FSTL4: variants seen among roughly 807,000 people sequenced by gnomAD.
The protein encoded by FSTL4 is follistatin like 4, also known as follistatin-related protein 4.
FSTL4 carries 28 observed loss-of-function variants against 78.2 expected under a neutral mutation model. The observed-to-expected ratio is 0.36, with a 90% CI of 0.27 to 0.49. The LOEUF is 0.49. Ranked by LOEUF, FSTL4 falls within the 20% of genes least tolerant of loss-of-function variation. FSTL4 has a pLI of 0.98. For synonymous variants in FSTL4, 422 were observed against 440.5 expected, an observed-to-expected ratio of 0.96 and a Z score of 0.53; for missense variants, 922 against 1,084.9, an observed-to-expected ratio of 0.85 and a Z score of 2.11.
At chr5:133,299,407 C>G (rs4958115) in intron 6 of FSTL4, among the ~76,000 whole-genome samples, 17,496 of 152,238 alleles carry the variant, frequency 0.11, 1,213 homozygotes, top group East Asian at 0.27. Flanking sequence ...GAGTTTCCCC[C>G]ACCCTGTGCT....
At chr5:133,651,502 T>A in the FSTL4 span, among the ~76,000 whole-genome samples, 1 of 152,140 alleles carries the variant, frequency 6.6e-6, no homozygotes, top group African/African-American at 2.4e-5. Context: ...TATGATCATG[T>A]GATTTTTCTC....
At chr5:133,631,591 A>G in the FSTL4 span, among the ~76,000 whole-genome samples, 4 of 152,160 alleles carry the variant, frequency 2.6e-5, no homozygotes, top group Non-Finnish European at 5.9e-5. Flanking sequence ...ACAGTGTGGC[A>G]ATTCCTCAAG....
In FSTL4 at chr5:133,603,895, C is replaced by G; in HGVS notation, c.89G>C (p.Arg30Thr). 6.2e-7 allele frequency: 1 copy of G among 1,614,210 alleles called. No homozygotes were observed. The highest frequency in any genetic ancestry group is 8.5e-7 in the Non-Finnish European group (1 of 1,180,014). Residue 30 changes from arginine (R) to threonine (T), a missense_variant, in exon 2 of 16, where the codon AGA (arginine) becomes ACA (threonine). Physicochemically the swap from Arg to Thr is moderately conservative, Grantham distance 71. Coordinates refer to ENST00000265342, the MANE Select transcript of FSTL4 (RefSeq NM_015082.2). ...ALGWMDPGTS[R>T]GPDVGVGESQ... is the part of the protein sequence containing the mutation. ...CTCCCCCACACCCACATCCGGGCCT[C>G]TGCTGGTTCCTGGGTCCATCCATCC... is the stretch of plus-strand genomic sequence containing the variant.
upstream of FSTL4, among the ~76,000 whole-genome samples, chr5:133,615,923 G>A (rs1206559730): frequency 1.3e-5 from 2 of 152,126 alleles, no homozygotes; most frequent in Non-Finnish European, 2.9e-5. Flanking sequence ...GATGGAAAGG[G>A]AATTGTGAAT....
intron 6 of FSTL4, among the ~76,000 whole-genome samples, chr5:133,289,130 C>T (rs975604437): frequency 6.6e-6 from 1 of 152,196 alleles, no homozygotes; most frequent in South Asian, 2.1e-4. Context: ...CAGTGGGAAC[C>T]TTGGGGGCTG....
At chr5:133,465,426 C>G (rs919417876) in intron 3 of FSTL4, among the ~76,000 whole-genome samples, 8 of 152,234 alleles carry the variant, frequency 5.3e-5, no homozygotes, top group Admixed American at 1.3e-4. Flanking sequence ...TACTTTCCCC[C>G]CAAATAGAGA....
chr5:133,538,117 T>A (rs1347528578), intron 3 of FSTL4, among the ~76,000 whole-genome samples: 1 of 123,366 alleles, frequency 8.1e-6, no homozygotes, highest in African/African-American at 3.3e-5. Flanking sequence ...TCTTTATATC[T>A]ATTTTTTTTT....
chr5:133,786,106 C>A, the FSTL4 span, among the ~76,000 whole-genome samples: 2 of 152,162 alleles, frequency 1.3e-5, no homozygotes, highest in African/African-American at 4.8e-5. Flanking sequence ...CCCCTGTACT[C>A]CCAGAGCCTC....
the FSTL4 span, among the ~76,000 whole-genome samples, chr5:133,713,597 G>A: frequency 1.3e-5 from 2 of 152,170 alleles, no homozygotes; most frequent in African/African-American, 2.4e-5. Flanking sequence ...GACAGCTTTT[G>A]GAGGATCCTT....
rs186061230 is a variant in FSTL4 at position 133,287,935 on chromosome 5, A to G, written c.727+24719T>C. ...ATCTCTCCCTCATGCCTTATCCCCA[A>G]TCTCCTGCCTCAGGAAAGCAGAGAA... On this transcript the variant is annotated intron_variant, in intron 6 of 15. Coordinates refer to ENST00000265342, the MANE Select transcript of FSTL4 (RefSeq NM_015082.2). 7.7e-3 allele frequency among the ~76,000 whole-genome samples: 1,173 copies of G among 152,132 alleles called. 5 individuals are homozygous for G. The highest frequency in any genetic ancestry group is 0.013 in the Non-Finnish European group (851 of 67,996).
At chr5:133,442,866 A>G (rs1025870763) in intron 3 of FSTL4, among the ~76,000 whole-genome samples, 4 of 152,206 alleles carry the variant, frequency 2.6e-5, no homozygotes, top group Non-Finnish European at 5.9e-5. Flanking sequence ...TATCTGTTTC[A>G]TTTTCATCGT....
chr5:133,479,193 A>G (rs1757979250), intron 3 of FSTL4, among the ~76,000 whole-genome samples: 1 of 152,180 alleles, frequency 6.6e-6, no homozygotes, highest in South Asian at 2.1e-4. Context: ...GCTTGCCTGC[A>G]TGACAATCCC....
intron 4 of FSTL4, among the ~76,000 whole-genome samples, chr5:133,336,055 T>C (rs967490216): frequency 6.6e-6 from 1 of 152,220 alleles, no homozygotes; most frequent in African/African-American, 2.4e-5. Context: ...TGTGAATTAC[T>C]ACCGGGACTT....
the FSTL4 span, among the ~76,000 whole-genome samples, chr5:133,631,761 A>G: frequency 6.6e-6 from 1 of 152,218 alleles, no homozygotes; most frequent in East Asian, 1.9e-4. Context: ...ATGCCCATCA[A>G]TGATGGACTG....
chr5:133,831,123 T>C, the FSTL4 span, among the ~76,000 whole-genome samples: 1 of 152,128 alleles, frequency 6.6e-6, no homozygotes, highest in Non-Finnish European at 1.5e-5. Flanking sequence ...ACACAGCCCA[T>C]GAGCCAAGGC....
intron 3 of FSTL4, among the ~76,000 whole-genome samples, chr5:133,463,101 G>A (rs1483007619): frequency 3.3e-5 from 5 of 152,162 alleles, no homozygotes; most frequent in African/African-American, 9.7e-5. Flanking sequence ...AAGCAATCAC[G>A]GCAGGCCCAA....
At chr5:133,323,654 G>A (rs1200859805) in intron 4 of FSTL4, among the ~76,000 whole-genome samples, 2 of 152,230 alleles carry the variant, frequency 1.3e-5, no homozygotes, top group Non-Finnish European at 2.9e-5. Flanking sequence ...CAGCCTGGGT[G>A]CCCTCCATGC....
chr5:133,462,635 G>C (rs190233720), intron 3 of FSTL4, among the ~76,000 whole-genome samples: 1 of 152,330 alleles, frequency 6.6e-6, no homozygotes, highest in Non-Finnish European at 1.5e-5. Flanking sequence ...CCAGTGAAAT[G>C]TGAGGAGTGC....
rs772554372 is a variant in FSTL4 at position 133,225,173 on chromosome 5, A to G, written c.1289T>C (p.Ile430Thr). 17 of 1,614,122 alleles carry G rather than the reference A, an allele frequency of 1.1e-5. 1 individual carries two copies. The highest frequency in any genetic ancestry group is 6.7e-5 in the Admixed American group (4 of 60,006). ...GVDEDISSLF[I>T]EDSARKTLAN... ...ACGGGTCTTTCTAGCTGAGTCTTCA[A>G]TGAAGAGCGAGGAGATATCTTCATC... The change falls in exon 10 of 16, where the codon ATT becomes ACT. Residue 430 changes from isoleucine (I) to threonine (T), a missense_variant. Physicochemically the swap from Ile to Thr is moderately conservative, Grantham distance 89. Transcript: ENST00000265342. The surrounding 1 kb of genome is among the most constrained non-coding windows in gnomAD (Gnocchi z 4.6).
Sources: gnomAD v4.1 joint callset for allele counts (sites outside exome capture counted in the v4.1 genomes callset) on GRCh38, gnomAD v4.1.1 for gene constraint, Gnocchi (gnomAD v3.1) non-coding constraint, MANE v1.5 for transcripts, NCBI Gene and HGNC (gene_info 2026-07-23, HGNC 2026-07-21) for gene names.